ITPR1: variants seen among roughly 807,000 people sequenced by gnomAD.
ITPR1 encodes the protein inositol 1,4,5-trisphosphate receptor type 1, also known as inositol 1,4,5-trisphosphate-gated calcium channel ITPR1.
In ITPR1, 96 loss-of-function variants were observed where a neutral mutation model predicts 318.4. The observed-to-expected ratio is 0.30, with a 90% CI of 0.26 to 0.36. The LOEUF (loss-of-function observed/expected upper bound fraction) is 0.36. Ranked by LOEUF, ITPR1 falls within the 10% of genes least tolerant of loss-of-function variation. The pLI is 1.00. For synonymous variants in ITPR1, 1,312 were observed against 1,289.9 expected (o/e 1.02, Z -0.37); for missense variants, 2,440 against 3,460.2 (o/e 0.71, Z 7.40).
chr3:4,584,026 T>G (rs2089625872), intron 4 of ITPR1, among the ~76,000 whole-genome samples: 1 of 152,194 alleles, frequency 6.6e-6, no homozygotes, highest in African/African-American at 2.4e-5. Flanking sequence ...TCCCCAATTA[T>G]CCTTTTCATT....
chr3:4,797,124 T>C (rs772570628), intron 53 of ITPR1, among the ~76,000 whole-genome samples: 4 of 151,752 alleles, frequency 2.6e-5, no homozygotes, highest in Non-Finnish European at 4.4e-5. Context: ...GAGAGCATAA[T>C]TCAGAGCTCC....
chr3:4,670,494 AC>A (rs2125208085), intron 19 of ITPR1, among the ~76,000 whole-genome samples: 1 of 152,330 alleles, frequency 6.6e-6, no homozygotes, highest in South Asian at 2.1e-4. Flanking sequence ...GGTTGTGACA[AC>A]CAAAAACCTG....
At chr3:4,630,064 T>C (rs552114867) in intron 5 of ITPR1, among the ~76,000 whole-genome samples, 1 of 152,140 alleles carries the variant, frequency 6.6e-6, no homozygotes, top group Non-Finnish European at 1.5e-5. Context: ...TCATAAATAA[T>C]AGATACCAAT....
At chr3:4,655,260 G>A (rs2093680060) in intron 12 of ITPR1, among the ~76,000 whole-genome samples, 1 of 152,154 alleles carries the variant, frequency 6.6e-6, no homozygotes, top group South Asian at 2.1e-4. Context: ...TGACATGGAG[G>A]AAATCTTACC....
chr3:4,725,318 C>A (rs758708742), intron 40 of ITPR1, among the ~76,000 whole-genome samples: 8 of 151,894 alleles, frequency 5.3e-5, no homozygotes, highest in Non-Finnish European at 7.4e-5. Flanking sequence ...AAATGTGTTC[C>A]CCCATCGCAG....
At chr3:4,765,336 C>G (rs568277456) in intron 44 of ITPR1, among the ~76,000 whole-genome samples, 3 of 152,048 alleles carry the variant, frequency 2.0e-5, no homozygotes, top group Non-Finnish European at 4.4e-5. Context: ...AGGGCATGAC[C>G]AAGAAGTGCA....
chr3:4,540,781 G>A (rs1393026383), intron 4 of ITPR1, among the ~76,000 whole-genome samples: 1 of 152,002 alleles, frequency 6.6e-6, no homozygotes, highest in Non-Finnish European at 1.5e-5. Context: ...TCAACATATT[G>A]CCCAGTCTGG....
Position 4,768,673 on chromosome 3 carries a change from A to G in ITPR1, c.5888A>G (p.Asp1963Gly). ...CAGGCCACTGCCGACAAGGCCAAGG[A>G]CGACCTGGAGATGAGCGCGGTCATC... ...GTQATADKAK[D>G]DLEMSAVITI... The change falls in exon 46 of 62, where the codon GAC becomes GGC. Residue 1963 changes from aspartate to glycine, a missense_variant. This residue lies in a region of ITPR1 where 113 missense variants were observed against 103.6 expected (regional missense o/e 1.09). Coordinates refer to ENST00000649015, the MANE Select transcript of ITPR1 (RefSeq NM_001378452.1). The G allele has an allele frequency of 1.2e-6, 2 of 1,613,906 alleles. No homozygotes were observed. Among genetic ancestry groups the G allele is most frequent in the Non-Finnish European group, 8.5e-7 (1 of 1,179,882 alleles).
chr3:4,726,371 C>G (rs2042518036), intron 41 of ITPR1, among the ~76,000 whole-genome samples: 1 of 151,846 alleles, frequency 6.6e-6, no homozygotes, highest in Admixed American at 6.6e-5. Flanking sequence ...ATCCTCCTTG[C>G]TGCTAACTAA....
Position 4,793,348 on chromosome 3 carries a change from C to T in ITPR1, c.6809-1717C>T, listed in dbSNP as rs547445640. Among the ~76,000 whole-genome samples, 23 of 152,266 alleles carry T rather than the reference C, an allele frequency of 1.5e-4. 1 individual carries two copies. In the South Asian group the frequency reaches 3.9e-3, roughly 26 times the overall value. ...TACACAGACCATCACTGAGCTTTGC[C>T]AGATCCTTTTCTTCCCCCCAACTTT... On this transcript the variant is annotated intron_variant, in intron 52 of 61. Coordinates refer to ENST00000649015, the MANE Select transcript of ITPR1 (RefSeq NM_001378452.1).
chr3:4,630,561 C>CATTATTATTATT (rs71053435), intron 5 of ITPR1, among the ~76,000 whole-genome samples: 39 of 138,710 alleles, frequency 2.8e-4, no homozygotes, highest in African/African-American at 6.1e-4. Context: ...AAATTGTCCG[C>CATTATTATTATT]ATTATTATTA....
chr3:4,825,467 A>G (rs1042680892), intron 60 of ITPR1, among the ~76,000 whole-genome samples: 3 of 152,224 alleles, frequency 2.0e-5, no homozygotes, highest in South Asian at 4.1e-4. Context: ...GTAACATGCA[A>G]AAGAGCCTTT....
At chr3:4,802,776 C>T (rs1034693039) in intron 54 of ITPR1, among the ~76,000 whole-genome samples, 3 of 151,280 alleles carry the variant, frequency 2.0e-5, no homozygotes, top group Admixed American at 6.6e-5. Flanking sequence ...TTGCAGTGGG[C>T]TGAGATGGTG....
intron 25 of ITPR1, 69 bp downstream of exon 25, chr3:4,680,760 A>G: frequency 7.3e-7 from 1 of 1,370,872 alleles, no homozygotes; most frequent in Non-Finnish European, 1.0e-6. Flanking sequence ...GGGAGAGCAA[A>G]CAGTATCTTC....
chr3:4,751,791 T>C (rs1180088173), intron 44 of ITPR1, among the ~76,000 whole-genome samples: 1 of 152,204 alleles, frequency 6.6e-6, no homozygotes, highest in Non-Finnish European at 1.5e-5. Context: ...TGAGACTGTT[T>C]TCTCATTATA....
intron 60 of ITPR1, chr3:4,825,823 G>GC (rs1366174938): frequency 1.1e-5 from 5 of 456,732 alleles, no homozygotes; most frequent in African/African-American, 2.0e-5. Flanking sequence ...CAGAGGCAAC[G>GC]CAAGGAACCA....
At chr3:4,753,553 C>T (rs1172134637) in intron 44 of ITPR1, among the ~76,000 whole-genome samples, 1 of 152,016 alleles carries the variant, frequency 6.6e-6, no homozygotes, top group Non-Finnish European at 1.5e-5. Flanking sequence ...CATGAAGAGT[C>T]CCAGAGCATT....
rs369192853 is a variant in ITPR1, at chr3:4,814,085, T to C, written c.7562-338T>C. Reference sequence around the variant, plus strand: ...ACCCTCATCTGAGAGACAAGAGGCCTGTGACTCAGAGTTGCGAAGCAACTC... The same window carrying C: ...ACCCTCATCTGAGAGACAAGAGGCCCGTGACTCAGAGTTGCGAAGCAACTC... On this transcript the variant is annotated intron_variant, in intron 57 of 61. Transcript: ENST00000649015. Among the ~76,000 whole-genome samples, 225 of 152,304 alleles carry C rather than the reference T, an allele frequency of 1.5e-3. 7 individuals carry two copies. In the South Asian group the frequency reaches 0.046, roughly 31 times the overall value.
chr3:4,844,085 G>GAGTAA (rs2051570871), intron 61 of ITPR1, among the ~76,000 whole-genome samples: 1 of 151,030 alleles, frequency 6.6e-6, no homozygotes, highest in South Asian at 2.1e-4. Context: ...TATAAGCTTT[G>GAGTAA]AGTAAAGTAT....
Sources: allele counts gnomAD v4.1 joint callset (sites outside exome capture counted in the v4.1 genomes callset), GRCh38; gene constraint gnomAD v4.1.1; regional missense constraint gnomAD v4.1.1; transcripts MANE v1.5; gene names NCBI Gene and HGNC (gene_info 2026-07-23, HGNC 2026-07-21).